The following AGMO variants were observed in gnomAD, a reference collection of about 807,000 sequenced individuals.
The protein encoded by AGMO is glyceryl-ether monooxygenase.
AGMO carries 75 observed loss-of-function variants against 60.2 expected under a neutral mutation model. That is an observed-to-expected ratio of 1.25 (90% CI 1.03 to 1.51). AGMO has a LOEUF of 1.51. Among genes scored for constraint, AGMO ranks in the 40% most tolerant of loss-of-function variants. AGMO has a pLI of 0.00. For missense variants in AGMO, 763 were observed against 525.5 expected (o/e 1.45, Z -4.42); for synonymous variants, 261 against 177.1 (o/e 1.47, Z -3.76).
chr7:15,387,482 T>G lies in AGMO; in HGVS notation c.881A>C (p.Lys294Thr), dbSNP rs1299063602. ...TFWATPGFFN[K>T]FSVIFKGPGW... ...CGGTCCCTTAAATATGACAGAAAACTTATTGAAGAATCCAGGTGTGGCCCA... is the reference window on the plus strand; with the variant it reads ...CGGTCCCTTAAATATGACAGAAAACGTATTGAAGAATCCAGGTGTGGCCCA... The change falls in exon 9 of 13, where the codon AAG becomes ACG. Residue 294 changes from lysine to threonine, a missense_variant. Transcript: ENST00000342526. 2 of 1,613,984 alleles carry G rather than the reference T, an allele frequency of 1.2e-6. No homozygotes were observed. The highest frequency in any genetic ancestry group is 1.7e-6 in the Non-Finnish European group (2 of 1,179,914).
the AGMO span, among the ~76,000 whole-genome samples, chr7:15,125,856 G>C: frequency 6.6e-6 from 1 of 152,030 alleles, no homozygotes; most frequent in African/African-American, 2.4e-5. Flanking sequence ...TAGTCTCTGT[G>C]AATCTCAATT....
At chr7:15,344,465 C>T (rs1459896815) in intron 12 of AGMO, among the ~76,000 whole-genome samples, 6 of 152,066 alleles carry the variant, frequency 3.9e-5, no homozygotes, top group East Asian at 1.9e-4. Context: ...TTTGGGAGGC[C>T]GAGGCAGATG....
At chr7:15,133,214 G>T in the AGMO span, among the ~76,000 whole-genome samples, 1 of 152,156 alleles carries the variant, frequency 6.6e-6, no homozygotes, top group Non-Finnish European at 1.5e-5. Flanking sequence ...GCTAGGAAAT[G>T]ATTGACAAGC....
intron 3 of AGMO, among the ~76,000 whole-genome samples, chr7:15,519,756 CA>C (rs1783929016): frequency 6.6e-6 from 1 of 151,934 alleles, no homozygotes; most frequent in African/African-American, 2.4e-5. Context: ...AACTAATGGG[CA>C]AAATAACCAG....
At chr7:15,364,247 C>T (rs1447561557) in intron 12 of AGMO, among the ~76,000 whole-genome samples, 1 of 151,916 alleles carries the variant, frequency 6.6e-6, no homozygotes, top group Non-Finnish European at 1.5e-5. Flanking sequence ...TTCACCTTTT[C>T]TTCCCACAAG....
chr7:15,317,957 T>G (rs1780988667), intron 12 of AGMO, among the ~76,000 whole-genome samples: 1 of 81,484 alleles, frequency 1.2e-5, no homozygotes. Context: ...ACACACACTA[T>G]ATATATATAT....
rs370375289 is a variant in AGMO at position 15,278,045 on chromosome 7, C to A, written c.1264-76686G>T. ...CCCTATCATACCCCTGGTCCCAGGGCTCATGACTCTCAGGTTAGATGCATA... is the reference window on the plus strand; with the variant it reads ...CCCTATCATACCCCTGGTCCCAGGGATCATGACTCTCAGGTTAGATGCATA... On this transcript the variant is annotated intron_variant, in intron 12 of 12. Transcript: ENST00000342526. Among the ~76,000 whole-genome samples the A allele has an allele frequency of 1.6e-4, 24 of 152,228 alleles. No individual in the cohort carries two copies. The East Asian group carries it at 2.9e-3, about 18-fold the overall frequency.
the AGMO span, among the ~76,000 whole-genome samples, chr7:15,194,120 A>G: frequency 7.9e-5 from 12 of 152,160 alleles, no homozygotes; most frequent in African/African-American, 2.9e-4. Flanking sequence ...ATATAATTTT[A>G]TTTTCAGTAT....
chr7:15,532,258 G>A (rs1359615755), intron 3 of AGMO, among the ~76,000 whole-genome samples: 2 of 152,170 alleles, frequency 1.3e-5, no homozygotes, highest in Admixed American at 6.6e-5. Context: ...GATTGGTGTT[G>A]ATATTAGTGT....
intron 12 of AGMO, among the ~76,000 whole-genome samples, chr7:15,273,345 T>A (rs971481433): frequency 1.3e-5 from 2 of 152,236 alleles, no homozygotes; most frequent in African/African-American, 4.8e-5. Context: ...TTTCTACATA[T>A]GGCTAGTCAG....
chr7:15,321,206 G>C (rs1299463549), intron 12 of AGMO, among the ~76,000 whole-genome samples: 1 of 152,050 alleles, frequency 6.6e-6, no homozygotes, highest in Non-Finnish European at 1.5e-5. Context: ...AGACAATTTA[G>C]GGTGAACATT....
intron 3 of AGMO, among the ~76,000 whole-genome samples, chr7:15,493,498 C>T (rs574962375): frequency 6.7e-6 from 1 of 150,366 alleles, no homozygotes; most frequent in Non-Finnish European, 1.5e-5. Context: ...CTCAGCCTCC[C>T]GCGTAGCTGG....
chr7:15,160,017 G>A, the AGMO span, among the ~76,000 whole-genome samples: 1 of 152,122 alleles, frequency 6.6e-6, no homozygotes, highest in Admixed American at 6.6e-5. Context: ...CCACCACCTT[G>A]GTGAATGCTA....
intron 12 of AGMO, among the ~76,000 whole-genome samples, chr7:15,339,034 A>G (rs1430891875): frequency 1.3e-5 from 2 of 152,206 alleles, no homozygotes; most frequent in East Asian, 3.8e-4. Flanking sequence ...TGGAATCAGC[A>G]TCTTATAATT....
chr7:15,239,226 A>C (rs1443203001), intron 12 of AGMO, among the ~76,000 whole-genome samples: 1 of 152,132 alleles, frequency 6.6e-6, no homozygotes, highest in African/African-American at 2.4e-5. Context: ...TGCAGTAGTG[A>C]CTTGGCTAGG....
intron 10 of AGMO, among the ~76,000 whole-genome samples, chr7:15,371,274 G>T (rs1027607356): frequency 6.6e-6 from 1 of 152,078 alleles, no homozygotes; most frequent in Non-Finnish European, 1.5e-5. Flanking sequence ...GGTTTGTAGT[G>T]TAATGGCACC....
intron 3 of AGMO, among the ~76,000 whole-genome samples, chr7:15,541,693 A>T (rs1165924069): frequency 6.6e-6 from 1 of 152,044 alleles, no homozygotes; most frequent in Non-Finnish European, 1.5e-5. Flanking sequence ...GTTTTCTGCT[A>T]ACTGTCCCAT....
chr7:15,385,626 A>G, intron 9 of AGMO, 64 bp from the exon 10 acceptor site: 5 of 897,244 alleles, frequency 5.6e-6, no homozygotes, highest in Non-Finnish European at 8.9e-6. Context: ...TGAAATTCAC[A>G]CTAAGAGATA....
the AGMO span, among the ~76,000 whole-genome samples, chr7:15,127,271 T>C: frequency 6.6e-6 from 1 of 152,112 alleles, no homozygotes; most frequent in Non-Finnish European, 1.5e-5. Flanking sequence ...TTTTACAGAG[T>C]TTGACTCTTT....
Sources: gnomAD v4.1 joint callset for allele counts (sites outside exome capture counted in the v4.1 genomes callset) on GRCh38, gnomAD v4.1.1 for gene constraint, MANE v1.5 for transcripts, NCBI Gene and HGNC (gene_info 2026-07-23, HGNC 2026-07-21) for gene names.